The following TRIO variants were observed in gnomAD, a reference collection of about 807,000 sequenced individuals.
TRIO encodes the protein trio Rho guanine nucleotide exchange factor.
In TRIO, 58 loss-of-function variants were observed where a neutral mutation model predicts 351.9. That is an observed-to-expected ratio of 0.16 (90% CI 0.13 to 0.21). The LOEUF (loss-of-function observed/expected upper bound fraction) is 0.21. Among genes scored for constraint, TRIO ranks in the 10% least tolerant of loss-of-function variants. TRIO has a pLI of 1.00. For missense variants in TRIO, 3,201 were observed against 4,027.8 expected (o/e 0.79, Z 5.56); for synonymous variants, 1,758 against 1,595.7 (o/e 1.10, Z -2.42).
chr5:14,189,021 C>G (rs971079307), intron 1 of TRIO, among the ~76,000 whole-genome samples: 6 of 152,170 alleles, frequency 3.9e-5, no homozygotes, highest in African/African-American at 1.4e-4. Flanking sequence ...TGAGTTTTTA[C>G]CACAGATGTT....
chr5:14,406,263 C>T (rs562822869), intron 32 of TRIO: 5 of 568,122 alleles, frequency 8.8e-6, no homozygotes, highest in African/African-American at 7.5e-5. Flanking sequence ...ATGTCTAACT[C>T]ATGCACATGA....
At chr5:14,402,121 G>T (rs11957060) in intron 31 of TRIO, among the ~76,000 whole-genome samples, 15,689 of 152,108 alleles carry the variant, frequency 0.1, 1,320 homozygotes, top group African/African-American at 0.23. Flanking sequence ...TATGATATCA[G>T]TTGCACCGAT....
At chr5:14,311,072 T>C (rs1738884517) in intron 8 of TRIO, among the ~76,000 whole-genome samples, 1 of 152,198 alleles carries the variant, frequency 6.6e-6, no homozygotes. Context: ...GCATCTGCCA[T>C]AGTATCAGAG....
At chr5:14,304,931 C>T (rs1581577221) in intron 8 of TRIO, among the ~76,000 whole-genome samples, 1 of 152,094 alleles carries the variant, frequency 6.6e-6, no homozygotes. Flanking sequence ...TTTAATCTTC[C>T]CAAATGAAAC....
intron 8 of TRIO, among the ~76,000 whole-genome samples, chr5:14,308,396 T>C: frequency 8.3e-6 from 1 of 121,146 alleles, no homozygotes; most frequent in African/African-American, 3.4e-5. Context: ...ATCCATTCAG[T>C]CACCCATCCA....
rs375059973 is a variant in TRIO, at chr5:14,508,259, C to T, written c.9131C>T (p.Ala3044Val). Reference protein sequence around the residue: ...DPAKRPSAALALQEQWLQAGN... With the variant: ...DPAKRPSAALVLQEQWLQAGN... ...GCCAAGCGTCCCTCGGCTGCGCTGG[C>T]CCTCCAGGAGCAGTGGCTGCAGGCC... is the stretch of plus-strand genomic sequence containing the variant. The change falls in exon 57 of 57, where the codon GCC becomes GTC. Residue 3044 changes from alanine to valine, a missense_variant. Ala to Val is a moderately conservative substitution (Grantham distance 64). Coordinates refer to ENST00000344204, the MANE Select transcript of TRIO (RefSeq NM_007118.4). 3 of 1,614,002 alleles carry T rather than the reference C, an allele frequency of 1.9e-6. No individual in the cohort carries two copies. The highest frequency in any genetic ancestry group is 1.3e-5 in the African/African-American group (1 of 75,052).
intron 15 of TRIO, 130 bp from the exon 16 acceptor site, chr5:14,366,730 A>G: frequency 7.4e-7 from 1 of 1,343,804 alleles, no homozygotes; most frequent in Non-Finnish European, 1.0e-6. Context: ...TTTTAGGATG[A>G]TGAAGGCATC....
At chr5:14,390,210 T>C in intron 25 of TRIO, 21 bp from the exon 26 acceptor site, 4 of 1,609,968 alleles carry the variant, frequency 2.5e-6, no homozygotes, top group Non-Finnish European at 3.4e-6. Flanking sequence ...TGTAATATGA[T>C]ACCATTTTTA....
intron 1 of TRIO, among the ~76,000 whole-genome samples, chr5:14,179,239 G>T (rs2152135252): frequency 6.6e-6 from 1 of 152,248 alleles, no homozygotes; most frequent in South Asian, 2.1e-4. Flanking sequence ...GAGAAATCCT[G>T]TTTAGCAGTT....
At chr5:14,325,258 A>G (rs1003563510) in intron 9 of TRIO, among the ~76,000 whole-genome samples, 10 of 152,178 alleles carry the variant, frequency 6.6e-5, no homozygotes, top group African/African-American at 2.2e-4. Flanking sequence ...CTGTGTTGCT[A>G]TAAAGGAATA....
Position 14,213,157 on chromosome 5 carries a change from C to T in TRIO, c.158-57668C>T, listed in dbSNP as rs193183437. On this transcript the variant is annotated intron_variant, in intron 1 of 56. Coordinates refer to ENST00000344204, the MANE Select transcript of TRIO (RefSeq NM_007118.4). ...AAACAAGTCTGCTTTGCACTTAGAG[C>T]GCAGAAGGATTTCTTTGGTTGGAAT... Among the ~76,000 whole-genome samples, 932 of 152,192 alleles carry T rather than the reference C, an allele frequency of 6.1e-3. 8 individuals carry two copies. The highest frequency in any genetic ancestry group is 0.021 in the African/African-American group (883 of 41,528).
rs951437968 is a variant in TRIO at position 14,195,011 on chromosome 5, G to A, written c.157+51129G>A. Among the ~76,000 whole-genome samples, 10 of 149,400 alleles carry A rather than the reference G, an allele frequency of 6.7e-5. No homozygotes were observed. In the South Asian group the frequency reaches 1.3e-3, roughly 19 times the overall value. On this transcript the variant is annotated intron_variant, in intron 1 of 56. Transcript: ENST00000344204. ...TTCTTTTACCTTTAAATATTTCAGT[G>A]TATTTTTTTTTTTAAACCAAGGACA...
chr5:14,424,197 T>C (rs190759650), intron 34 of TRIO, among the ~76,000 whole-genome samples: 2 of 152,220 alleles, frequency 1.3e-5, no homozygotes, highest in East Asian at 3.9e-4. Context: ...TCTTGCCAGC[T>C]CTGACATTCT....
intron 18 of TRIO, among the ~76,000 whole-genome samples, chr5:14,373,187 A>AGATTACAATTCG (rs1441139474): frequency 6.6e-6 from 1 of 152,198 alleles, no homozygotes; most frequent in Non-Finnish European, 1.5e-5. Context: ...TGACATGTGG[A>AGATTACAATTCG]GATTACAATT....
At chr5:14,447,122 C>T (rs1752496580) in intron 34 of TRIO, among the ~76,000 whole-genome samples, 1 of 152,122 alleles carries the variant, frequency 6.6e-6, no homozygotes, top group Non-Finnish European at 1.5e-5. Context: ...ATTCCAGCTG[C>T]TCGGGAGGCT....
intron 34 of TRIO, among the ~76,000 whole-genome samples, chr5:14,445,666 A>G (rs1185661823): frequency 6.6e-6 from 1 of 152,214 alleles, no homozygotes; most frequent in Non-Finnish European, 1.5e-5. Context: ...TCTTCTGTCT[A>G]AGGATACAGC....
chr5:14,351,751 C>G (rs1008783613), intron 11 of TRIO, among the ~76,000 whole-genome samples: 8 of 152,352 alleles, frequency 5.3e-5, no homozygotes, highest in African/African-American at 1.7e-4. Context: ...CTTCCATACC[C>G]CACCTCCAGA....
chr5:14,478,362 T>C (rs1755249156), intron 41 of TRIO, among the ~76,000 whole-genome samples: 1 of 152,188 alleles, frequency 6.6e-6, no homozygotes, highest in Non-Finnish European at 1.5e-5. Flanking sequence ...CACCCACCAT[T>C]GGTTTTGCAC....
At chr5:14,301,131 G>C (rs2152293539) in intron 7 of TRIO, among the ~76,000 whole-genome samples, 3 of 152,214 alleles carry the variant, frequency 2.0e-5, no homozygotes, top group Middle Eastern at 6.8e-3. Flanking sequence ...TAAATGCTTA[G>C]GAAAAGCAAT....
Sources: allele counts gnomAD v4.1 joint callset (sites outside exome capture counted in the v4.1 genomes callset), GRCh38; gene constraint gnomAD v4.1.1; transcripts MANE v1.5; gene names NCBI Gene and HGNC (gene_info 2026-07-23, HGNC 2026-07-21).